The following GBE1 variants were observed in gnomAD, a reference collection of about 807,000 sequenced individuals.
The protein encoded by GBE1 is 1,4-alpha-glucan branching enzyme 1.
Under a neutral mutation model 88.8 loss-of-function variants are expected in GBE1, and 70 were observed. The ratio of observed to expected loss-of-function variants is 0.79; its 90% CI spans 0.65 to 0.96. The LOEUF (loss-of-function observed/expected upper bound fraction) is 0.96. Ranked by LOEUF, GBE1 falls within the 40% of genes least tolerant of loss-of-function variation. GBE1 has a pLI of 0.00. For missense variants in GBE1, 872 were observed against 871.0 expected (o/e 1.00, Z -0.01); for synonymous variants, 284 against 300.1 (o/e 0.95, Z 0.56).
chr3:81,676,127 C>T (rs1177307279), intron 2 of GBE1, among the ~76,000 whole-genome samples: 1 of 151,952 alleles, frequency 6.6e-6, no homozygotes, highest in African/African-American at 2.4e-5. Context: ...TGCTAATCAA[C>T]TGTATGTTAT....
chr3:81,642,318 T>C (rs764050387), intron 7 of GBE1, among the ~76,000 whole-genome samples: 1 of 152,106 alleles, frequency 6.6e-6, no homozygotes, highest in Non-Finnish European at 1.5e-5. Flanking sequence ...ACATGAAACA[T>C]ATTATATACT....
chr3:81,612,270 GT>G, intron 7 of GBE1: 1 of 468,824 alleles, frequency 2.1e-6, no homozygotes, highest in Non-Finnish European at 3.4e-6. Flanking sequence ...GGTTCCTCAT[GT>G]TGCCTCTTCC....
At chr3:81,680,494 C>CA (rs10711455) in intron 2 of GBE1, among the ~76,000 whole-genome samples, 2,082 of 94,348 alleles carry the variant, frequency 0.022, 68 homozygotes, top group African/African-American at 0.067. Context: ...GACTCCGTCT[C>CA]AAAAAAAAAA....
chr3:81,738,312 C>A, intron 1 of GBE1, among the ~76,000 whole-genome samples: 1 of 150,206 alleles, frequency 6.7e-6, no homozygotes, highest in African/African-American at 2.5e-5. Context: ...GTTCTAGATC[C>A]CTGAGGAATC....
Position 81,490,457 on chromosome 3 carries a change from T to TC in GBE1, c.2058_2059insG (p.Ile687AspfsTer75). The TC allele has an allele frequency of 6.2e-7, 1 of 1,612,778 alleles. No individual in the cohort carries two copies. The highest frequency in any genetic ancestry group is 8.5e-7 in the Non-Finnish European group (1 of 1,179,078). On this transcript the variant is annotated frameshift_variant, in exon 16 of 16. Transcript: ENST00000429644. LOFTEE classifies it high-confidence loss of function. ...AGGATGAGGGCCACTCTGCTTGGAA[T>TC]GTACACCTACGTCAAAACAATTATG...
chr3:81,757,221 C>CCCAGAGA (rs1706615313), intron 1 of GBE1, among the ~76,000 whole-genome samples: 1 of 152,164 alleles, frequency 6.6e-6, no homozygotes, highest in Non-Finnish European at 1.5e-5. Context: ...TGCCCTCTCC[C>CCCAGAGA]TTTATGGCCC....
chr3:81,567,170 A>G (rs1328050149), intron 12 of GBE1, among the ~76,000 whole-genome samples: 1 of 152,038 alleles, frequency 6.6e-6, no homozygotes, highest in Non-Finnish European at 1.5e-5. Context: ...TCCTCATTTC[A>G]TTCAGCTGCT....
intron 12 of GBE1, among the ~76,000 whole-genome samples, chr3:81,540,335 A>T (rs1045974944): frequency 6.6e-6 from 1 of 152,028 alleles, no homozygotes; most frequent in Non-Finnish European, 1.5e-5. Context: ...TCTACAGTTT[A>T]TCAACTTCTC....
At chr3:81,628,772 TATATATATATAG>T (rs1559668682) in intron 7 of GBE1, among the ~76,000 whole-genome samples, 2 of 117,234 alleles carry the variant, frequency 1.7e-5, no homozygotes. Context: ...TATATATATA[TATATATATATAG>T]CAACAGAGTA....
intron 12 of GBE1, among the ~76,000 whole-genome samples, chr3:81,561,263 C>G (rs904023653): frequency 6.6e-6 from 1 of 151,984 alleles, no homozygotes; most frequent in South Asian, 2.1e-4. Context: ...TTGATTCAAA[C>G]TTGTACAGTC....
chr3:81,732,492 T>C (rs908360903), intron 1 of GBE1, among the ~76,000 whole-genome samples: 7 of 152,172 alleles, frequency 4.6e-5, no homozygotes, highest in Non-Finnish European at 1.5e-5. Context: ...CCCAGGTCAC[T>C]TAAATTTTTT....
At chr3:81,719,314 T>G (rs896505886) in intron 1 of GBE1, among the ~76,000 whole-genome samples, 2 of 152,146 alleles carry the variant, frequency 1.3e-5, no homozygotes, top group Admixed American at 1.3e-4. Context: ...CCTCCCTAGC[T>G]CAAGCGATCC....
intron 7 of GBE1, among the ~76,000 whole-genome samples, chr3:81,622,001 C>T (rs993255332): frequency 6.6e-6 from 1 of 152,174 alleles, no homozygotes; most frequent in African/African-American, 2.4e-5. Flanking sequence ...TCTAAGAACC[C>T]TATCAGCTAA....
chr3:81,520,160 C>T (rs1157059948), intron 14 of GBE1, among the ~76,000 whole-genome samples: 1 of 151,400 alleles, frequency 6.6e-6, no homozygotes, highest in African/African-American at 2.4e-5. Context: ...AATACAGTCA[C>T]AAGTTGCTTT....
chr3:81,507,451 C>G (rs1702669557), intron 14 of GBE1, among the ~76,000 whole-genome samples: 1 of 151,908 alleles, frequency 6.6e-6, no homozygotes, highest in Non-Finnish European at 1.5e-5. Context: ...GTAGTCCCAG[C>G]TACTTGGGAG....
intron 2 of GBE1, among the ~76,000 whole-genome samples, chr3:81,687,245 A>G (rs1705455140): frequency 6.6e-6 from 1 of 152,198 alleles, no homozygotes; most frequent in Non-Finnish European, 1.5e-5. Flanking sequence ...AGAATGATGA[A>G]CAACTTTATA....
At chr3:81,600,922 G>C (rs935141593) in intron 7 of GBE1, among the ~76,000 whole-genome samples, 1 of 151,888 alleles carries the variant, frequency 6.6e-6, no homozygotes, top group Non-Finnish European at 1.5e-5. Context: ...ACATGCATGC[G>C]TGTGTGTGTG....
intron 12 of GBE1, among the ~76,000 whole-genome samples, chr3:81,553,840 T>C (rs1436129945): frequency 6.6e-6 from 1 of 152,130 alleles, no homozygotes; most frequent in African/African-American, 2.4e-5. Context: ...AGGTTTCCTT[T>C]TCTGAATGCC....
In GBE1 at chr3:81,581,156, T is replaced by C; in HGVS notation, c.1446+9A>G. On this transcript the variant is annotated intron_variant, in intron 11 of 15. Transcript: ENST00000429644. ...AGAAATAAATGAATTTATGCACATA[T>C]TCATTTACCTGATCATGGCTCTCTG... 1 of 1,532,738 alleles carries C rather than the reference T, an allele frequency of 6.5e-7. No homozygotes were observed. The allele number at this position is 1,532,738 out of a possible 1,614,324, so 94.9% of individuals were successfully genotyped here.
Sources: allele counts gnomAD v4.1 joint callset (sites outside exome capture counted in the v4.1 genomes callset), GRCh38; gene constraint gnomAD v4.1.1; transcripts MANE v1.5; gene names NCBI Gene and HGNC (gene_info 2026-07-23, HGNC 2026-07-21).